USP28: variants seen among roughly 807,000 people sequenced by gnomAD.
The protein encoded by USP28 is ubiquitin carboxyl-terminal hydrolase 28.
In USP28, 113 loss-of-function variants were observed where a neutral mutation model predicts 145.0. The observed-to-expected ratio is 0.78, with a 90% confidence interval of 0.67 to 0.91. The LOEUF (loss-of-function observed/expected upper bound fraction) is 0.91. Ranked by LOEUF, USP28 falls within the 40% of genes least tolerant of loss-of-function variation. The probability of loss-of-function intolerance (pLI) is 0.00; values close to 1 mark genes in which losing one functional copy is unlikely to be tolerated. For synonymous variants in USP28, 447 were observed against 450.9 expected, an observed-to-expected ratio of 0.99 and a Z score of 0.11; for missense variants, 1,201 against 1,289.6, an observed-to-expected ratio of 0.93 and a Z score of 1.05.
rs112055475 is a variant in USP28 at position 113,872,882 on chromosome 11, T to C, written c.57+2563A>G. Among the ~76,000 whole-genome samples the C allele has an allele frequency of 3.0e-4, 45 of 152,336 alleles. 1 individual carries two copies. The highest frequency in any genetic ancestry group is 1.1e-3 in the African/African-American group (44 of 41,566). On this transcript the variant is annotated intron_variant, in intron 1 of 24. Coordinates refer to ENST00000003302, the Ensembl canonical transcript of USP28. ...ATACCAGTTTGCAGTCTAGAGGATT[T>C]AGTGAAATCATAAAGTGTCTACTCT...
intron 1 of USP28, among the ~76,000 whole-genome samples, chr11:113,863,643 CAAAAAA>C (rs71063528): frequency 8.0e-6 from 1 of 124,902 alleles, no homozygotes; most frequent in Non-Finnish European, 1.6e-5. Context: ...GACCCTGTCT[CAAAAAA>C]AAAAAAAAAA....
At chr11:113,874,522 G>T in intron 1 of USP28, 1 of 1,288,734 alleles carries the variant, frequency 7.8e-7, no homozygotes, top group Non-Finnish European at 1.0e-6. Context: ...CTCACCTGAG[G>T]GTATCTGTCT....
exon 25 of USP28, chr11:113,797,978 T>C (rs1479492717): frequency 6.6e-6 from 1 of 152,034 alleles, no homozygotes; most frequent in African/African-American, 2.4e-5. Flanking sequence ...TAAAACACAA[T>C]ATCCAATCAG....
At chr11:113,857,928 C>G (rs1947241673) in intron 1 of USP28, among the ~76,000 whole-genome samples, 2 of 151,872 alleles carry the variant, frequency 1.3e-5, no homozygotes, top group Admixed American at 1.3e-4. Context: ...TAGCATGGTA[C>G]AATCTTAGCT....
rs781499127 is a variant in USP28 at position 113,831,891 on chromosome 11, GGAT to G, written c.833+26_833+28del. 33 of 1,603,906 alleles carry G rather than the reference GGAT, an allele frequency of 2.1e-5. No homozygotes were observed. In the African/African-American group the frequency reaches 4.4e-4, roughly 21 times the overall value. On this transcript the variant is annotated intron_variant, in intron 8 of 24. Coordinates refer to ENST00000003302, the Ensembl canonical transcript of USP28. ...CTCACTGGCCCACTGTGAGTCGGAA[GGAT>G]GTACAAACAAACCCTCAACACTCAC... is the stretch of plus-strand genomic sequence containing the variant.
chr11:113,873,771 T>A (rs1949052226), intron 1 of USP28, among the ~76,000 whole-genome samples: 1 of 152,204 alleles, frequency 6.6e-6, no homozygotes, highest in Non-Finnish European at 1.5e-5. Flanking sequence ...CTAACAATAT[T>A]TCCATTAGAA....
chr11:113,806,628 A>C, intron 18 of USP28, 44 bp from the exon 20 acceptor site: 1 of 1,372,280 alleles, frequency 7.3e-7, no homozygotes, highest in Non-Finnish European at 1.0e-6. Context: ...GGAGAGAAGA[A>C]AGGTTCAGCA....
intron 1 of USP28, among the ~76,000 whole-genome samples, chr11:113,860,602 G>A (rs1336117419): frequency 6.6e-6 from 1 of 151,996 alleles, no homozygotes; most frequent in Non-Finnish European, 1.5e-5. Flanking sequence ...ACAAGGTCAG[G>A]AGTTCAAGAC....
chr11:113,846,226 T>TG (rs1459922834), intron 3 of USP28, among the ~76,000 whole-genome samples: 29 of 152,196 alleles, frequency 1.9e-4, no homozygotes, highest in African/African-American at 7.0e-4. Flanking sequence ...GTTTTGGAAA[T>TG]GGATGGTGGT....
At chr11:113,827,242 T>A (rs752593801) in exon 11 of USP28, 1 of 1,607,298 alleles carries the variant, frequency 6.2e-7, no homozygotes, top group Non-Finnish European at 8.5e-7. Flanking sequence ...CCTGTCCATA[T>A]AAATAATCTG....
At chr11:113,829,095 G>A in intron 10 of USP28, 102 bp downstream of exon 10, 1 of 1,499,176 alleles carries the variant, frequency 6.7e-7, no homozygotes, top group African/African-American at 1.4e-5. Context: ...TCTGCTAAGT[G>A]TAAAGTTACT....
chr11:113,812,487 A>T, exon 16 of USP28: 1 of 1,614,064 alleles, frequency 6.2e-7, no homozygotes, highest in South Asian at 1.1e-5. Context: ...CAAGAACTGC[A>T]TGCAAGCGAT....
chr11:113,827,811 G>A (rs1021874391), intron 10 of USP28, among the ~76,000 whole-genome samples: 1 of 152,188 alleles, frequency 6.6e-6, no homozygotes, highest in African/African-American at 2.4e-5. Flanking sequence ...AGACTCATAT[G>A]TGTACATATA....
At chr11:113,852,893 A>C (rs1435843776) in intron 2 of USP28, among the ~76,000 whole-genome samples, 1 of 152,020 alleles carries the variant, frequency 6.6e-6, no homozygotes, top group African/African-American at 2.4e-5. Flanking sequence ...ATTTGTTCCC[A>C]TTGCTTCGGA....
At chr11:113,872,525 G>C (rs1948929024) in intron 1 of USP28, among the ~76,000 whole-genome samples, 2 of 152,090 alleles carry the variant, frequency 1.3e-5, no homozygotes, top group Non-Finnish European at 2.9e-5. Context: ...TGGGGGCAGA[G>C]GGGCATGAGA....
exon 2 of USP28, chr11:113,854,298 G>A (rs148194822): frequency 3.7e-5 from 60 of 1,614,000 alleles, no homozygotes; most frequent in Non-Finnish European, 4.7e-5. Context: ...CTGAATGCCT[G>A]TGATTTCTCT....
intron 17 of USP28, 21 bp from the exon 18 acceptor site, chr11:113,808,458 G>C (rs758854496): frequency 6.2e-7 from 1 of 1,611,026 alleles, no homozygotes; most frequent in South Asian, 1.1e-5. Flanking sequence ...ATTGAACAAA[G>C]GTCTTAGCAT....
intron 1 of USP28, chr11:113,874,516 C>T (rs547710413): frequency 1.6e-6 from 2 of 1,288,418 alleles, no homozygotes; most frequent in East Asian, 1.1e-4. Flanking sequence ...AGGATTCTCA[C>T]CTGAGGGTAT....
chr11:113,802,806 CA>C (rs1791672973), intron 23 of USP28, among the ~76,000 whole-genome samples: 1 of 152,132 alleles, frequency 6.6e-6, no homozygotes, highest in African/African-American at 2.4e-5. Context: ...ATGGTTCCTA[CA>C]TGACAGGCAC....
Sources: gnomAD v4.1 joint callset for allele counts (sites outside exome capture counted in the v4.1 genomes callset) on GRCh38, gnomAD v4.1.1 for gene constraint, MANE v1.5 for transcripts, NCBI Gene and HGNC (gene_info 2026-07-23, HGNC 2026-07-21) for gene names.